The following PLCB1 variants were observed in gnomAD, a reference collection of about 807,000 sequenced individuals.
PLCB1 encodes the protein phospholipase C beta 1.
PLCB1 carries 46 observed loss-of-function variants against 161.8 expected under a neutral mutation model. The observed-to-expected ratio is 0.28, with a 90% CI of 0.22 to 0.36. The LOEUF (loss-of-function observed/expected upper bound fraction) is 0.36, where lower values mean the gene tolerates loss of function less well. Ranked by LOEUF, PLCB1 falls within the 10% of genes least tolerant of loss-of-function variation. The pLI is 1.00. For missense variants in PLCB1, 1,016 were observed against 1,472.5 expected (o/e 0.69, Z 5.07); for synonymous variants, 517 against 503.7 (o/e 1.03, Z -0.35).
At chr20:8,650,351 A>T (rs993456441) in intron 7 of PLCB1, among the ~76,000 whole-genome samples, 1 of 152,140 alleles carries the variant, frequency 6.6e-6, no homozygotes, top group African/African-American at 2.4e-5. Flanking sequence ...AGGAATTACC[A>T]CCGCTTTCCA....
At chr20:8,645,480 A>AT (rs1177443869) in intron 4 of PLCB1, among the ~76,000 whole-genome samples, 5 of 152,094 alleles carry the variant, frequency 3.3e-5, no homozygotes, top group South Asian at 2.1e-4. Context: ...GAACTTCTAT[A>AT]TTTTTTTGTA....
chr20:8,168,614 T>C (rs1435091560), intron 2 of PLCB1, among the ~76,000 whole-genome samples: 1 of 152,072 alleles, frequency 6.6e-6, no homozygotes, highest in Non-Finnish European at 1.5e-5. Context: ...TTCAGACATA[T>C]TGAGGAATGA....
At chr20:8,405,789 A>G (rs755596566) in intron 3 of PLCB1, among the ~76,000 whole-genome samples, 1 of 152,210 alleles carries the variant, frequency 6.6e-6, no homozygotes, top group Non-Finnish European at 1.5e-5. Context: ...TTGAAAAAAG[A>G]TGATCATGTT....
At chr20:8,250,936 A>C (rs562941663) in intron 2 of PLCB1, among the ~76,000 whole-genome samples, 16 of 151,982 alleles carry the variant, frequency 1.1e-4, no homozygotes, top group Admixed American at 5.9e-4. Context: ...TAAGATATGT[A>C]CTCTGATTGT....
chr20:8,611,717 A>G (rs2123172785), intron 3 of PLCB1, among the ~76,000 whole-genome samples: 1 of 152,284 alleles, frequency 6.6e-6, no homozygotes, highest in East Asian at 1.9e-4. Flanking sequence ...TCTTCAATCA[A>G]TTCTCTTAGT....
intron 17 of PLCB1, 133 bp from the exon 18 acceptor site, chr20:8,728,917 C>A: frequency 3.8e-6 from 2 of 523,748 alleles, no homozygotes; most frequent in Non-Finnish European, 3.0e-6. Flanking sequence ...ACTAAATATC[C>A]CAAAGTAGCC....
At chr20:8,534,588 A>ACGGGGG (rs148610092) in intron 3 of PLCB1, among the ~76,000 whole-genome samples, 2,162 of 152,092 alleles carry the variant, frequency 0.014, 53 homozygotes, top group African/African-American at 0.049. Flanking sequence ...GAGTGAAACA[A>ACGGGGG]CGGGGGCGTT....
At chr20:8,354,993 G>T (rs1986316127) in intron 2 of PLCB1, among the ~76,000 whole-genome samples, 1 of 152,120 alleles carries the variant, frequency 6.6e-6, no homozygotes, top group Non-Finnish European at 1.5e-5. Flanking sequence ...TCAGAGAAGT[G>T]GTTTAAATGT....
intron 27 of PLCB1, among the ~76,000 whole-genome samples, chr20:8,787,138 G>A (rs1168595505): frequency 6.6e-6 from 1 of 152,218 alleles, no homozygotes; most frequent in African/African-American, 2.4e-5. Flanking sequence ...AAGGCAATTT[G>A]AAGAGTGAGG....
chr20:8,305,365 A>G (rs1211981432), intron 2 of PLCB1, among the ~76,000 whole-genome samples: 1 of 152,230 alleles, frequency 6.6e-6, no homozygotes. Flanking sequence ...TTAAAACCAC[A>G]TGAGACAGGA....
intron 3 of PLCB1, among the ~76,000 whole-genome samples, chr20:8,614,002 G>A (rs911624265): frequency 1.3e-5 from 2 of 152,010 alleles, no homozygotes; most frequent in East Asian, 3.8e-4. Context: ...CCAAAAAAAG[G>A]TTGTTTATAA....
chr20:8,742,561 T>C (rs893387495), intron 23 of PLCB1, among the ~76,000 whole-genome samples: 1 of 152,212 alleles, frequency 6.6e-6, no homozygotes, highest in Admixed American at 6.5e-5. Flanking sequence ...CGCTCAGAGA[T>C]AGCCACATTA....
chr20:8,616,896 G>T (rs1988053764), intron 3 of PLCB1, among the ~76,000 whole-genome samples: 1 of 152,182 alleles, frequency 6.6e-6, no homozygotes, highest in South Asian at 2.1e-4. Flanking sequence ...TTGTATCTGA[G>T]ATATAGAGCC....
chr20:8,538,301 C>T (rs1985134554), intron 3 of PLCB1, among the ~76,000 whole-genome samples: 1 of 152,184 alleles, frequency 6.6e-6, no homozygotes, highest in African/African-American at 2.4e-5. Context: ...CACAAATTAA[C>T]TAACCCTAAG....
At chr20:8,780,577 T>C (rs1983166756) in intron 27 of PLCB1, among the ~76,000 whole-genome samples, 1 of 152,190 alleles carries the variant, frequency 6.6e-6, no homozygotes, top group South Asian at 2.1e-4. Context: ...ACAATCCTCA[T>C]GTCTGTCCCA....
At chr20:8,734,342 G>A (rs1481019749) in intron 19 of PLCB1, among the ~76,000 whole-genome samples, 3 of 151,614 alleles carry the variant, frequency 2.0e-5, no homozygotes, top group Admixed American at 6.6e-5. Flanking sequence ...GAGATTTTCC[G>A]GTCTTTTTTT....
At chr20:8,479,505 C>A (rs1317130216) in intron 3 of PLCB1, among the ~76,000 whole-genome samples, 1 of 152,206 alleles carries the variant, frequency 6.6e-6, no homozygotes, top group African/African-American at 2.4e-5. Flanking sequence ...TATATCTTTG[C>A]TTCCACTAAC....
At chr20:8,842,959 G>C (rs1350082136) in intron 31 of PLCB1, among the ~76,000 whole-genome samples, 1 of 152,086 alleles carries the variant, frequency 6.6e-6, no homozygotes, top group Non-Finnish European at 1.5e-5. Context: ...ACAATATGAT[G>C]GGTGGTTGCC....
intron 12 of PLCB1, among the ~76,000 whole-genome samples, chr20:8,710,845 A>G (rs918462460): frequency 6.6e-6 from 1 of 152,136 alleles, no homozygotes; most frequent in African/African-American, 2.4e-5. Context: ...ATGAAAGGCT[A>G]TGGTTCCATT....
Sources: allele counts gnomAD v4.1 joint callset (sites outside exome capture counted in the v4.1 genomes callset), GRCh38; gene constraint gnomAD v4.1.1; transcripts MANE v1.5; gene names NCBI Gene and HGNC (gene_info 2026-07-23, HGNC 2026-07-21).